The following TACC3 variants were observed in gnomAD, a reference collection of about 807,000 sequenced individuals.
TACC3 encodes the protein transforming acidic coiled-coil-containing protein 3.
Under a neutral mutation model 86.0 loss-of-function variants are expected in TACC3, and 52 were observed. That is an observed-to-expected ratio of 0.60 (90% CI 0.48 to 0.76). The LOEUF is 0.76. Among genes scored for constraint, TACC3 ranks in the 30% least tolerant of loss-of-function variants. TACC3 has a pLI of 0.00. For synonymous variants in TACC3, 512 were observed against 430.0 expected, an observed-to-expected ratio of 1.19 and a Z score of -2.36; for missense variants, 1,120 against 1,070.4, an observed-to-expected ratio of 1.05 and a Z score of -0.65.
intron 1 of TACC3, among the ~76,000 whole-genome samples, chr4:1,722,071 G>T (rs1286351064): frequency 6.6e-6 from 1 of 152,116 alleles, no homozygotes; most frequent in Admixed American, 6.5e-5. Flanking sequence ...GGACACCTGG[G>T]CCCCTACCGC....
Position 1,735,195 on chromosome 4 carries a change from T to C in TACC3, c.1592-78T>C, listed in dbSNP as rs190168327. 3.0e-4 allele frequency: 462 copies of C among 1,561,050 alleles called. 4 individuals carry two copies. In the African/African-American group the frequency reaches 5.1e-3, roughly 17 times the overall value. Reference sequence around the variant, plus strand: ...GCTGGAATGATCCTGCCTCACTGAGTGCTGAGGGAGACACCAGCCCGCCGC... The same window carrying C: ...GCTGGAATGATCCTGCCTCACTGAGCGCTGAGGGAGACACCAGCCCGCCGC... On this transcript the variant is annotated intron_variant, in intron 6 of 15. Coordinates refer to ENST00000313288, the MANE Select transcript of TACC3 (RefSeq NM_006342.3). This position sits in a 1 kb window ranked among gnomAD's most constrained non-coding sequence, Gnocchi z 4.2.
In TACC3 at chr4:1,723,480, G is replaced by GC; in HGVS notation, c.60dup (p.Asp21ArgfsTer53). On this transcript the variant is annotated frameshift_variant, in exon 2 of 16. Coordinates refer to ENST00000313288, the MANE Select transcript of TACC3 (RefSeq NM_006342.3). LOFTEE classifies it high-confidence loss of function. Reference sequence around the variant, plus strand: ...AGCAATGAAAAAAATACAGAAAATTGCGACTTCCTGTTTTCGCCACCAGAA... The same window carrying GC: ...AGCAATGAAAAAAATACAGAAAATTGCCGACTTCCTGTTTTCGCCACCAGAA... The GC allele has an allele frequency of 3.1e-6, 5 of 1,613,680 alleles. No individual in the cohort carries two copies. Among genetic ancestry groups the GC allele is most frequent in the Non-Finnish European group, 4.2e-6 (5 of 1,179,982 alleles).
At chr4:1,721,815 A>G (rs1451098105) in intron 1 of TACC3, 172 bp downstream of exon 1, 1 of 151,984 alleles carries the variant, frequency 6.6e-6, no homozygotes. Context: ...GCGCCCTGTC[A>G]TGGGACCCGG....
At chr4:1,723,174 T>C (rs1717502060) in intron 1 of TACC3, 1 of 537,232 alleles carries the variant, frequency 1.9e-6, no homozygotes, top group Non-Finnish European at 3.3e-6. Flanking sequence ...TAGCTCTTGG[T>C]CCCAGGAAGC....
chr4:1,729,850 G>C (rs555548682), intron 4 of TACC3, among the ~76,000 whole-genome samples: 1 of 152,198 alleles, frequency 6.6e-6, no homozygotes, highest in South Asian at 2.1e-4. Context: ...CCCAGGCACT[G>C]GTGCTACCGC....
rs766639875 is a variant in TACC3 at position 1,728,801 on chromosome 4, T to C, written c.1385+14T>C. ...CTGTCTGAGCCAGTAAGTGTGAGGA[T>C]GGGATGGGGAGCGTGGCGTGGGGCA... On this transcript the variant is annotated intron_variant, in intron 4 of 15. Coordinates refer to ENST00000313288, the MANE Select transcript of TACC3 (RefSeq NM_006342.3). The C allele has an allele frequency of 2.5e-6, 4 of 1,590,848 alleles. No individual in the cohort carries two copies. Among genetic ancestry groups the C allele is most frequent in the Non-Finnish European group, 2.6e-6 (3 of 1,170,688 alleles).
chr4:1,738,187 C>G (rs1382908275), intron 10 of TACC3: 1 of 303,794 alleles, frequency 3.3e-6, no homozygotes, highest in East Asian at 9.1e-5. Context: ...TAAATTGTCC[C>G]TAAGAGAGCT....
At chr4:1,737,792 G>A (rs1250502777) in intron 10 of TACC3, 90 bp downstream of exon 10, 42 of 449,736 alleles carry the variant, frequency 9.3e-5, no homozygotes, top group Non-Finnish European at 1.3e-4. Flanking sequence ...AGCCTGACCC[G>A]CCATCCCTGC....
At chr4:1,742,644 C>A (rs1718648770) in intron 13 of TACC3, among the ~76,000 whole-genome samples, 1 of 152,000 alleles carries the variant, frequency 6.6e-6, no homozygotes, top group African/African-American at 2.4e-5. Flanking sequence ...CCTAAAAATA[C>A]AAAAATTAGC....
intron 11 of TACC3, 74 bp from the exon 12 acceptor site, chr4:1,739,885 C>G: frequency 1.3e-6 from 2 of 1,597,268 alleles, no homozygotes; most frequent in Middle Eastern, 1.7e-4. Flanking sequence ...TCCCTGTCCC[C>G]GTCCCCATCC....
At position 1,727,786 on chromosome 4, in the gene TACC3, C is replaced by T; in HGVS notation, c.384C>T (p.Leu128=). 1.2e-6 allele frequency: 2 copies of T among 1,613,068 alleles called. No homozygotes were observed. The highest frequency in any genetic ancestry group is 1.7e-6 in the Non-Finnish European group (2 of 1,179,882). Reference sequence around the variant, plus strand: ...AACCAGTGGAGGCTGACACCGACCTCCTGGGGGATGCAAGCCCAGCCTTTG... The same window carrying T: ...AACCAGTGGAGGCTGACACCGACCTTCTGGGGGATGCAAGCCCAGCCTTTG... ...LQKPVEADTD[L]LGDASPAFGS... The change falls in exon 4 of 16, where the codon CTC becomes CTT. Residue 128 remains leucine, a synonymous_variant. Transcript: ENST00000313288.
At chr4:1,730,693 T>C (rs1341224686) in intron 4 of TACC3, 194 bp from the exon 5 acceptor site, 9 of 735,178 alleles carry the variant, frequency 1.2e-5, no homozygotes, top group Non-Finnish European at 2.2e-5. Context: ...CGTGTTTTCC[T>C]GCTGGGTGAG....
At position 1,728,651 on chromosome 4, in the gene TACC3, C is replaced by T. The variant is rs1717843219; in HGVS notation, c.1249C>T (p.Pro417Ser). The change falls in exon 4 of 16, where the codon CCG (proline) becomes TCG (serine). Residue 417 changes from proline (P) to serine (S), a missense_variant. Physicochemically the swap from Pro to Ser is moderately conservative, Grantham distance 74. Coordinates refer to ENST00000313288, the MANE Select transcript of TACC3 (RefSeq NM_006342.3). ...WDKMDDPNFIPFGGDTKSGCS... is the reference protein window; with the variant it reads ...WDKMDDPNFISFGGDTKSGCS... The stretch of plus-strand genomic sequence containing the variant: ...CAAAATGGATGACCCAAACTTCATC[C>T]CGTTCGGAGGTGACACCAAGTCTGG... 1 of 1,613,886 alleles carries T rather than the reference C, an allele frequency of 6.2e-7. No homozygotes were observed. The highest frequency in any genetic ancestry group is 8.5e-7 in the Non-Finnish European group (1 of 1,180,024).
rs761448264 is a variant in TACC3, at chr4:1,727,781, G to A, written c.379G>A (p.Asp127Asn). Residue 127 changes from aspartate (D) to asparagine (N), a missense_variant, in exon 4 of 16, where the codon GAC becomes AAC. Transcript: ENST00000313288. ...ILQKPVEADT[D>N]LLGDASPAFG... Reference sequence around the variant, plus strand: ...ACAGAAACCAGTGGAGGCTGACACCGACCTCCTGGGGGATGCAAGCCCAGC... The same window carrying A: ...ACAGAAACCAGTGGAGGCTGACACCAACCTCCTGGGGGATGCAAGCCCAGC... 11 of 1,612,300 alleles carry A rather than the reference G, an allele frequency of 6.8e-6. No individual in the cohort carries two copies. The highest frequency in any genetic ancestry group is 3.3e-5 in the Admixed American group (2 of 59,904).
intron 1 of TACC3, among the ~76,000 whole-genome samples, chr4:1,722,221 C>T (rs1306209760): frequency 2.0e-5 from 3 of 152,174 alleles, no homozygotes; most frequent in African/African-American, 7.2e-5. Flanking sequence ...TCAGTAAAGG[C>T]CCCTCCTGAC....
intron 8 of TACC3, 60 bp from the exon 9 acceptor site, chr4:1,737,181 C>G: frequency 7.2e-7 from 1 of 1,388,728 alleles, no homozygotes; most frequent in Non-Finnish European, 1.0e-6. Flanking sequence ...ACATGGTCCT[C>G]TGTGTCCTAC....
chr4:1,741,010 C>G (rs370677491), intron 13 of TACC3, 24 bp downstream of exon 13: 2 of 1,585,792 alleles, frequency 1.3e-6, no homozygotes, highest in Admixed American at 3.7e-5. Flanking sequence ...ACCCTGGTGT[C>G]CTCACCTCGG....
intron 3 of TACC3, among the ~76,000 whole-genome samples, chr4:1,724,655 C>T (rs533289275): frequency 1.3e-5 from 2 of 152,106 alleles, no homozygotes; most frequent in African/African-American, 4.8e-5. Context: ...GCTCTTTACT[C>T]TGCGGCTGAA....
intron 3 of TACC3, among the ~76,000 whole-genome samples, chr4:1,724,211 A>AT (rs2108682497): frequency 6.6e-6 from 1 of 151,186 alleles, no homozygotes; most frequent in East Asian, 2.0e-4. Context: ...TGACCTCATG[A>AT]TGCGCCCGCC....
Sources: allele counts gnomAD v4.1 joint callset (sites outside exome capture counted in the v4.1 genomes callset), GRCh38; gene constraint gnomAD v4.1.1; non-coding constraint Gnocchi (gnomAD v3.1); transcripts MANE v1.5; gene names NCBI Gene and HGNC (gene_info 2026-07-23, HGNC 2026-07-21).